The following PTCD3 variants were observed in gnomAD, a reference collection of about 807,000 sequenced individuals.
PTCD3 encodes the protein pentatricopeptide repeat domain 3.
In PTCD3, 89 loss-of-function variants were observed where a neutral mutation model predicts 101.9. That is an observed-to-expected ratio of 0.87 (90% CI 0.74 to 1.04). PTCD3 has a LOEUF of 1.04. Among genes scored for constraint, PTCD3 ranks in the 50% least tolerant of loss-of-function variants. The pLI, the probability that PTCD3 is intolerant of heterozygous loss-of-function variation, is 0.00. For synonymous variants in PTCD3, 296 were observed against 278.5 expected (o/e 1.06, Z -0.63); for missense variants, 870 against 828.2 (o/e 1.05, Z -0.62).
chr2:86,121,952 A>G (rs906638739), intron 8 of PTCD3, among the ~76,000 whole-genome samples: 1 of 152,194 alleles, frequency 6.6e-6, no homozygotes, highest in African/African-American at 2.4e-5. Flanking sequence ...GTGGACTTAG[A>G]GGAGAGAACA....
chr2:86,124,808 A>G lies in PTCD3; in HGVS notation c.717-187A>G, dbSNP rs552393876. ...ACCTGCGAAGCCCTGACAACACATT[A>G]AGATCGTTAAGTCTTGATTTTCCCC... On this transcript the variant is annotated intron_variant, in intron 9 of 23. Transcript: ENST00000254630. 5.3e-5 allele frequency among the ~76,000 whole-genome samples: 8 copies of G among 152,316 alleles called. No homozygotes were observed. In the South Asian group the frequency reaches 6.2e-4, roughly 12 times the overall value.
At chr2:86,132,517 C>T (rs1274389411) in intron 17 of PTCD3, 93 bp downstream of exon 17, 4 of 818,206 alleles carry the variant, frequency 4.9e-6, no homozygotes, top group African/African-American at 3.4e-5. Context: ...CCTCTGGTTT[C>T]AGGCAACATG....
Position 86,138,034 on chromosome 2 carries a change from T to C in PTCD3, c.*475T>C, listed in dbSNP as rs1373238070. On this transcript the variant is annotated 3_prime_UTR_variant, in exon 24 of 24. Coordinates refer to ENST00000254630, the MANE Select transcript of PTCD3 (RefSeq NM_017952.6). ...AATAGTTTCCCAATTTCAGGATATT[T>C]CGATGTCAGAAATAACGCATCTTAG... is the stretch of plus-strand genomic sequence containing the variant. 1 of 158,688 alleles carries C rather than the reference T, an allele frequency of 6.3e-6. No individual in the cohort carries two copies. The highest frequency in any genetic ancestry group is 1.4e-5 in the Non-Finnish European group (1 of 71,516). The allele number at this position is 158,688 out of a possible 1,614,324, so 9.8% of individuals were successfully genotyped here. A position where few individuals can be genotyped will look rare whatever the true frequency, so the allele number is the denominator to read the frequency against.
chr2:86,111,219 T>A (rs1316738822), intron 4 of PTCD3, 61 bp downstream of exon 4: 1 of 1,364,486 alleles, frequency 7.3e-7, no homozygotes, highest in East Asian at 2.3e-5. Flanking sequence ...ACTTTTTAAC[T>A]CGGCTAATAA....
chr2:86,118,830 G>T, intron 6 of PTCD3, 91 bp from the exon 7 acceptor site: 2 of 1,388,316 alleles, frequency 1.4e-6, no homozygotes, highest in South Asian at 1.3e-5. Context: ...GTTTTACTTT[G>T]GTATGTTGGT....
chr2:86,125,870 G>T lies in PTCD3; in HGVS notation c.941G>T (p.Ser314Ile), dbSNP rs754729476. The change falls in exon 12 of 24, where the codon AGT (serine) becomes ATT (isoleucine). Residue 314 changes from serine to isoleucine, a missense_variant. By Grantham distance (142) the Ser-to-Ile change is moderately radical. Transcript: ENST00000254630. Reference protein sequence around the residue: ...AINEKFEEKWSKILELLRHMV... With the variant: ...AINEKFEEKWIKILELLRHMV... Reference sequence around the variant, plus strand: ...AATGAGAAATTTGAGGAAAAATGGAGTAAAATACTGGTAAGGAGGAATCCT... The same window carrying T: ...AATGAGAAATTTGAGGAAAAATGGATTAAAATACTGGTAAGGAGGAATCCT... 5 of 1,594,944 alleles carry T rather than the reference G, an allele frequency of 3.1e-6. No homozygotes were observed. In the African/African-American group the frequency reaches 6.7e-5, roughly 21 times the overall value.
chr2:86,116,723 G>T, intron 5 of PTCD3, 125 bp downstream of exon 5: 1 of 732,706 alleles, frequency 1.4e-6, no homozygotes, highest in South Asian at 1.7e-5. Context: ...TAGACTATGT[G>T]AATCCTTTAC....
Position 86,123,776 on chromosome 2 carries a change from A to G in PTCD3, c.716+14A>G. 1 of 1,577,536 alleles carries G rather than the reference A, an allele frequency of 6.3e-7. No homozygotes were observed. The highest frequency in any genetic ancestry group is 2.3e-5 in the East Asian group (1 of 44,248). ...AGTTACATGGCGGTATGTCACACGT[A>G]ATTAGAACCTTGAATTACAGTGTCT... On this transcript the variant is annotated intron_variant, in intron 9 of 23. Coordinates refer to ENST00000254630, the MANE Select transcript of PTCD3 (RefSeq NM_017952.6).
chr2:86,117,289 G>T, intron 6 of PTCD3, 130 bp downstream of exon 6: 3 of 519,314 alleles, frequency 5.8e-6, no homozygotes, highest in South Asian at 3.7e-5. Context: ...TTTAAAGTGT[G>T]GAGTTAGCTT....
intron 14 of PTCD3, among the ~76,000 whole-genome samples, chr2:86,130,015 T>G (rs1412368646): frequency 6.6e-6 from 1 of 152,158 alleles, no homozygotes; most frequent in Non-Finnish European, 1.5e-5. Context: ...GCAAAAAACA[T>G]TTTTAGCCGG....
chr2:86,137,466 C>T lies in PTCD3; in HGVS notation c.1980-3C>T. ...GTAATCCTCCATTTTCTTTTCTTAA[C>T]AGGGAAGCCCTAAGTAATCTAACTG... On this transcript the variant is annotated splice_region_variant and splice_polypyrimidine_tract_variant and intron_variant, in intron 23 of 23. Coordinates refer to ENST00000254630, the MANE Select transcript of PTCD3 (RefSeq NM_017952.6). 1 of 1,613,460 alleles carries T rather than the reference C, an allele frequency of 6.2e-7. No homozygotes were observed. The highest frequency in any genetic ancestry group is 8.5e-7 in the Non-Finnish European group (1 of 1,179,832).
intron 7 of PTCD3, among the ~76,000 whole-genome samples, chr2:86,120,713 A>C (rs1674264707): frequency 6.6e-6 from 1 of 152,138 alleles, no homozygotes; most frequent in Non-Finnish European, 1.5e-5. Flanking sequence ...TGGGCAACAT[A>C]GCGAGACCTC....
chr2:86,134,451 T>C (rs1674546314), intron 20 of PTCD3, 74 bp downstream of exon 20: 2 of 1,267,858 alleles, frequency 1.6e-6, no homozygotes, highest in South Asian at 1.3e-5. Flanking sequence ...CCTGGTTTTA[T>C]CTGCCATTTT....
At chr2:86,120,664 A>G (rs1471596489) in intron 7 of PTCD3, among the ~76,000 whole-genome samples, 2 of 151,978 alleles carry the variant, frequency 1.3e-5, no homozygotes, top group African/African-American at 2.4e-5. Flanking sequence ...GGAGGCCAAA[A>G]CAGGAGGATT....
chr2:86,127,094 A>G, intron 12 of PTCD3, 67 bp from the exon 13 acceptor site: 5 of 1,395,690 alleles, frequency 3.6e-6, no homozygotes, highest in South Asian at 1.4e-5. Flanking sequence ...TTTACTTTGT[A>G]TGAAACATAG....
chr2:86,127,690 AT>A lies in PTCD3; in HGVS notation c.1097-247del, dbSNP rs1674421520. On this transcript the variant is annotated intron_variant, in intron 13 of 23. Coordinates refer to ENST00000254630, the MANE Select transcript of PTCD3 (RefSeq NM_017952.6). Reference sequence around the variant, plus strand: ...TTTGGGAATCAATTCACTTCAATATATTTTACTGTTCTCAGTGAAGAATGTG... The same window carrying A: ...TTTGGGAATCAATTCACTTCAATATATTTACTGTTCTCAGTGAAGAATGTG... 1.8e-5 allele frequency: 9 copies of A among 513,502 alleles called. No individual in the cohort carries two copies. In the East Asian group the frequency reaches 2.7e-4, roughly 15 times the overall value. 31.8% of individuals were successfully genotyped at this position (513,502 alleles called of 1,614,324 possible).
intron 1 of PTCD3, among the ~76,000 whole-genome samples, chr2:86,106,931 G>A (rs1673966047): frequency 1.3e-5 from 2 of 152,180 alleles, no homozygotes; most frequent in African/African-American, 4.8e-5. Context: ...ATGAGAGGCA[G>A]TAATTTGTAG....
intron 7 of PTCD3, 141 bp downstream of exon 7, chr2:86,119,185 G>A (rs6715623): frequency 0.91 from 978,675 of 1,080,372 alleles, 444,450 homozygotes; most frequent in East Asian, 0.98. Context: ...TATATTTTTA[G>A]TAGTTTATTT....
intron 7 of PTCD3, among the ~76,000 whole-genome samples, chr2:86,120,585 T>A (rs1674262736): frequency 1.3e-5 from 2 of 152,180 alleles, no homozygotes; most frequent in South Asian, 4.1e-4. Context: ...AATTTATCAA[T>A]GTATTTTGTT....
Sources: gnomAD v4.1 joint callset for allele counts (sites outside exome capture counted in the v4.1 genomes callset) on GRCh38, gnomAD v4.1.1 for gene constraint, MANE v1.5 for transcripts, NCBI Gene and HGNC (gene_info 2026-07-23, HGNC 2026-07-21) for gene names.